STON2: variants seen among roughly 807,000 people sequenced by gnomAD.
The protein encoded by STON2 is stonin-2.
In STON2, 29 loss-of-function variants were observed where a neutral mutation model predicts 65.7. The observed-to-expected ratio is 0.44, with a 90% confidence interval of 0.33 to 0.60. STON2 has a LOEUF of 0.60. STON2 is among the 20% of genes least tolerant of loss of function. The pLI, the probability that STON2 is intolerant of heterozygous loss-of-function variation, is 0.03. For synonymous variants in STON2, 404 were observed against 414.2 expected (o/e 0.98, Z 0.30); for missense variants, 1,054 against 1,118.1 (o/e 0.94, Z 0.82).
chr14:81,277,039 T>C lies in STON2; in HGVS notation c.2443A>G (p.Asn815Asp), dbSNP rs1894855914. Residue 815 changes from asparagine to aspartate, a missense_variant, in exon 6 of 8, where the codon AAC becomes GAC. Transcript: ENST00000614646. ...GTGGAGCCAAAACTTGCCCCCCGGT[T>C]CACTTTGGCTTTCAAAGACTTTTCC... ...LGEKSLKAKVNRGASFGSTSV... is the reference protein window; with the variant it reads ...LGEKSLKAKVDRGASFGSTSV... 3 of 1,614,100 alleles carry C rather than the reference T, an allele frequency of 1.9e-6. No individual in the cohort carries two copies. Among genetic ancestry groups the C allele is most frequent in the Admixed American group, 1.7e-5 (1 of 59,994 alleles).
chr14:81,273,762 ACCTGCTGG>A (rs1314704239), intron 6 of STON2, among the ~76,000 whole-genome samples: 2 of 152,056 alleles, frequency 1.3e-5, no homozygotes, highest in East Asian at 3.9e-4. Context: ...TGACCTGCTG[ACCTGCTGG>A]CCTCTGCTGC....
chr14:81,262,948 G>A lies in STON2; in HGVS notation c.*5466C>T. The A allele has an allele frequency of 1.0e-6, 1 of 985,392 alleles. No homozygotes were observed. The highest frequency in any genetic ancestry group is 1.2e-6 in the Non-Finnish European group (1 of 829,890). 61.0% of individuals were successfully genotyped at this position (985,392 alleles called of 1,614,324 possible). A position where few individuals can be genotyped will look rare whatever the true frequency, so the allele number is the denominator to read the frequency against. ...ATTTAAACAAGATAAGAAATGGTTTGTGGGGAATTAGCACTTAGACCTTGG... is the reference window on the plus strand; with the variant it reads ...ATTTAAACAAGATAAGAAATGGTTTATGGGGAATTAGCACTTAGACCTTGG... On this transcript the variant is annotated 3_prime_UTR_variant, in exon 8 of 8. Coordinates refer to ENST00000614646, the MANE Select transcript of STON2 (RefSeq NM_001394390.1).
chr14:81,422,839 C>T (rs2139902282), intron 2 of STON2, among the ~76,000 whole-genome samples: 1 of 152,244 alleles, frequency 6.6e-6, no homozygotes, highest in East Asian at 1.9e-4. Flanking sequence ...CAAGACTAGC[C>T]TGGCCAACAT....
At chr14:81,286,307 T>C (rs1045578714) in intron 5 of STON2, among the ~76,000 whole-genome samples, 2 of 152,212 alleles carry the variant, frequency 1.3e-5, no homozygotes, top group Non-Finnish European at 2.9e-5. Flanking sequence ...CATCACATAC[T>C]ACAGACAAAT....
chr14:81,382,364 C>T (rs1313856721), intron 3 of STON2, among the ~76,000 whole-genome samples: 1 of 152,132 alleles, frequency 6.6e-6, no homozygotes, highest in Non-Finnish European at 1.5e-5. Flanking sequence ...TCGTTTTTGA[C>T]ATGGACAATT....
rs1286210575 is a variant in STON2, at chr14:81,262,408, ATT to A, written c.*6004_*6005del. On this transcript the variant is annotated 3_prime_UTR_variant, in exon 8 of 8. Coordinates refer to ENST00000614646, the MANE Select transcript of STON2 (RefSeq NM_001394390.1). ...ATTTGATAAATATTTGTTGAGTTGA[ATT>A]AATCCTGCCATCTATCCCTTTTTAC... 1.0e-6 allele frequency: 1 copy of A among 985,082 alleles called. No homozygotes were observed. Among genetic ancestry groups the A allele is most frequent in the Non-Finnish European group, 1.2e-6 (1 of 829,766 alleles). 61.0% of individuals were successfully genotyped at this position (985,082 alleles called of 1,614,324 possible).
At chr14:81,305,443 C>CTT (rs1354356790) in intron 5 of STON2, among the ~76,000 whole-genome samples, 1 of 152,232 alleles carries the variant, frequency 6.6e-6, no homozygotes, top group Non-Finnish European at 1.5e-5. Flanking sequence ...TTTTACTGAA[C>CTT]TTTCACTGAT....
chr14:81,356,302 G>A (rs1898228259), intron 4 of STON2, among the ~76,000 whole-genome samples: 1 of 152,088 alleles, frequency 6.6e-6, no homozygotes. Flanking sequence ...TTATATGCTG[G>A]ATTACATTTA....
At chr14:81,399,942 A>T (rs1900519690) in intron 1 of STON2, among the ~76,000 whole-genome samples, 1 of 152,198 alleles carries the variant, frequency 6.6e-6, no homozygotes, top group South Asian at 2.1e-4. Flanking sequence ...TGTTTGAAGC[A>T]CCACACTAAG....
At chr14:81,355,682 C>A (rs1452502641) in intron 4 of STON2, among the ~76,000 whole-genome samples, 1 of 152,170 alleles carries the variant, frequency 6.6e-6, no homozygotes, top group African/African-American at 2.4e-5. Context: ...GCTATTAAAT[C>A]ATAAATAACG....
At chr14:81,318,215 C>T (rs546759124) in intron 5 of STON2, among the ~76,000 whole-genome samples, 2 of 152,238 alleles carry the variant, frequency 1.3e-5, no homozygotes, top group Admixed American at 6.5e-5. Flanking sequence ...CTGCCAGCCT[C>T]GGCCACTCAA....
chr14:81,351,116 T>C (rs1898005563), intron 4 of STON2, among the ~76,000 whole-genome samples: 1 of 152,068 alleles, frequency 6.6e-6, no homozygotes, highest in African/African-American at 2.4e-5. Flanking sequence ...TACTTTCCAT[T>C]TTTCTCAATT....
chr14:81,299,876 GA>G (rs201844263), intron 5 of STON2, among the ~76,000 whole-genome samples: 1 of 118,570 alleles, frequency 8.4e-6, no homozygotes, highest in Non-Finnish European at 1.7e-5. Context: ...TGTTAAGATG[GA>G]AAAAAAATTT....
chr14:81,300,784 T>G (rs1895940542), intron 5 of STON2, among the ~76,000 whole-genome samples: 1 of 152,194 alleles, frequency 6.6e-6, no homozygotes. Flanking sequence ...AATGATAAAT[T>G]TAAACATTCA....
intron 5 of STON2, among the ~76,000 whole-genome samples, chr14:81,294,093 G>T (rs1460098223): frequency 3.3e-5 from 5 of 152,148 alleles, no homozygotes; most frequent in African/African-American, 7.2e-5. Flanking sequence ...CTCCTTAGCA[G>T]CCAGACAAGA....
intron 5 of STON2, among the ~76,000 whole-genome samples, chr14:81,283,243 A>C (rs562093564): frequency 6.6e-6 from 1 of 152,352 alleles, no homozygotes; most frequent in South Asian, 2.1e-4. Flanking sequence ...AAATAAAGTG[A>C]TTTCAGTAGT....
At position 81,262,168 on chromosome 14, in the gene STON2, A is replaced by C. The variant is rs1894175746; in HGVS notation, c.*6246T>G. ...CTCACTTTTTTGTCTCAGGAAACTGAAGCCCAATTGGGAAAACAGCAACTT... is the reference window on the plus strand; with the variant it reads ...CTCACTTTTTTGTCTCAGGAAACTGCAGCCCAATTGGGAAAACAGCAACTT... On this transcript the variant is annotated 3_prime_UTR_variant, in exon 8 of 8. Transcript: ENST00000614646. 1 of 985,218 alleles carries C rather than the reference A, an allele frequency of 1.0e-6. No individual in the cohort carries two copies. Among genetic ancestry groups the C allele is most frequent in the African/African-American group, 1.7e-5 (1 of 57,230 alleles). The allele number at this position is 985,218 out of a possible 1,614,324, so 61.0% of individuals were successfully genotyped here. A position where few individuals can be genotyped will look rare whatever the true frequency, so the allele number is the denominator to read the frequency against.
At chr14:81,383,812 A>G (rs1899652213) in intron 3 of STON2, among the ~76,000 whole-genome samples, 1 of 152,172 alleles carries the variant, frequency 6.6e-6, no homozygotes, top group Admixed American at 6.5e-5. Flanking sequence ...ATTACTGTTG[A>G]AACTCAAGCT....
At chr14:81,433,468 G>A (rs2139935908) in intron 1 of STON2, among the ~76,000 whole-genome samples, 1 of 152,290 alleles carries the variant, frequency 6.6e-6, no homozygotes, top group South Asian at 2.1e-4. Flanking sequence ...CCGACCCAGG[G>A]TCCTTCATCA....
Sources: gnomAD v4.1 joint callset for allele counts (sites outside exome capture counted in the v4.1 genomes callset) on GRCh38, gnomAD v4.1.1 for gene constraint, MANE v1.5 for transcripts, NCBI Gene and HGNC (gene_info 2026-07-23, HGNC 2026-07-21) for gene names.